The following GPAM variants were observed in gnomAD, a reference collection of about 807,000 sequenced individuals.
GPAM encodes glycerol-3-phosphate acyltransferase 1, mitochondrial.
A neutral mutation model predicts 105.0 loss-of-function variants in GPAM; 56 were observed. That is an observed-to-expected ratio of 0.53 (90% confidence interval 0.43 to 0.67). The LOEUF is 0.67. GPAM is among the 30% of genes least tolerant of loss of function. The pLI, the probability that GPAM is intolerant of heterozygous loss-of-function variation, is 0.00. For synonymous variants in GPAM, 368 were observed against 354.4 expected (o/e 1.04, Z -0.43); for missense variants, 855 against 989.8 (o/e 0.86, Z 1.83).
At chr10:112,164,805 C>T (rs952835729) in intron 12 of GPAM, among the ~76,000 whole-genome samples, 195 bp from the exon 13 acceptor site, 1 of 152,180 alleles carries the variant, frequency 6.6e-6, no homozygotes, top group Admixed American at 6.5e-5. Context: ...AAGCATGAAA[C>T]TGAACTTGAA....
rs1846931685 is a variant in GPAM, at chr10:112,152,196, CATA to C, written c.*1351_*1353del. 3.1e-6 allele frequency: 3 copies of C among 976,904 alleles called. No individual in the cohort carries two copies. Among genetic ancestry groups the C allele is most frequent in the Non-Finnish European group, 3.6e-6 (3 of 822,346 alleles). 60.5% of individuals were successfully genotyped at this position (976,904 alleles called of 1,614,324 possible). ...ACTCATCTGGAAAAATTCTTAATTC[CATA>C]ATATCTTGGAGATAAGCAACAGTAA... On this transcript the variant is annotated 3_prime_UTR_variant, in exon 22 of 22. Transcript: ENST00000348367.
intron 4 of GPAM, among the ~76,000 whole-genome samples, chr10:112,179,893 C>T (rs1251162021): frequency 1.3e-5 from 2 of 152,188 alleles, no homozygotes; most frequent in Admixed American, 1.3e-4. Context: ...ACCTCTCACC[C>T]ACTTGGCTCT....
At chr10:112,173,093 C>A (rs1375566801) in intron 7 of GPAM, 27 bp from the exon 8 acceptor site, 1 of 1,279,034 alleles carries the variant, frequency 7.8e-7, no homozygotes, top group African/African-American at 1.5e-5. Flanking sequence ...ACAAAAAAAA[C>A]AACATAAATG....
In GPAM at chr10:112,206,835, A is replaced by ATTT. The variant is rs1564691231; in HGVS notation, n.210+8332_210+8333insAAA. On this transcript the variant is annotated intron_variant and non_coding_transcript_variant, in intron 1 of 3. Transcript: ENST00000480130. ...AAAGTATAATAAAAAAAAAAATTTA[A>ATTT]AAAAAAAAAAAAAGAATCAAAACAG... Among the ~76,000 whole-genome samples, 26 of 147,108 alleles carry ATTT rather than the reference A, an allele frequency of 1.8e-4. 1 individual carries two copies. Among genetic ancestry groups the ATTT allele is most frequent in the African/African-American group, 6.2e-4 (25 of 40,234 alleles).
At chr10:112,204,433 A>T (rs2133299008) in intron 1 of GPAM, among the ~76,000 whole-genome samples, 1 of 151,662 alleles carries the variant, frequency 6.6e-6, no homozygotes, top group Admixed American at 6.6e-5. Context: ...GGGGAAGAAG[A>T]GTAGGTTGTA....
intron 12 of GPAM, among the ~76,000 whole-genome samples, chr10:112,165,800 T>C (rs1209626906): frequency 6.6e-6 from 1 of 152,208 alleles, no homozygotes; most frequent in African/African-American, 2.4e-5. Flanking sequence ...CATGCAAGAT[T>C]CCCATGAATT....
chr10:112,184,932 G>A (rs1241143003), upstream of GPAM, among the ~76,000 whole-genome samples: 1 of 152,216 alleles, frequency 6.6e-6, no homozygotes, highest in Non-Finnish European at 1.5e-5. Context: ...AATCATGTAT[G>A]AAGAAAAGAG....
At chr10:112,194,009 C>G (rs1020045050) in intron 1 of GPAM, among the ~76,000 whole-genome samples, 1 of 152,152 alleles carries the variant, frequency 6.6e-6, no homozygotes, top group Non-Finnish European at 1.5e-5. Context: ...GATTATAATA[C>G]AGTAACAAAC....
chr10:112,190,001 A>G (rs1246441677), intron 1 of GPAM, among the ~76,000 whole-genome samples: 1 of 152,228 alleles, frequency 6.6e-6, no homozygotes, highest in Non-Finnish European at 1.5e-5. Context: ...AAACTTTTTT[A>G]CTGCCTACCT....
At chr10:112,164,865 A>C (rs761709966) in intron 12 of GPAM, among the ~76,000 whole-genome samples, 1 of 152,246 alleles carries the variant, frequency 6.6e-6, no homozygotes, top group Non-Finnish European at 1.5e-5. Flanking sequence ...TTTTAAAATT[A>C]AAAGAAATTT....
At chr10:112,210,633 A>T (rs1338807930) in intron 1 of GPAM, among the ~76,000 whole-genome samples, 1 of 152,226 alleles carries the variant, frequency 6.6e-6, no homozygotes, top group Non-Finnish European at 1.5e-5. Context: ...CACCCAGGAA[A>T]GGTGGGAGAG....
intron 15 of GPAM, 61 bp from the exon 16 acceptor site, chr10:112,160,929 G>A: frequency 2.1e-6 from 3 of 1,449,808 alleles, no homozygotes; most frequent in Non-Finnish European, 2.9e-6. Context: ...AAAGCTGAGA[G>A]GCCAACATTC....
In GPAM at chr10:112,160,695, A is replaced by G; in HGVS notation, c.1668T>C (p.Phe556=). 6.2e-7 allele frequency: 1 copy of G among 1,613,894 alleles called. No individual in the cohort carries two copies. The change falls in exon 16 of 22, where the codon TTT becomes TTC. Residue 556 remains phenylalanine (F), a synonymous_variant. Coordinates refer to ENST00000348367, the MANE Select transcript of GPAM (RefSeq NM_001244949.2). ...ATGGGACAGTTGTGCTGGGGGTGAT[A>G]AAAAACTCATCGTTCCTGCTAGTGT... is the stretch of plus-strand genomic sequence containing the variant. ...ITHTSRNDEF[F]ITPSTTVPSV...
intron 20 of GPAM, 71 bp downstream of exon 20, chr10:112,155,793 A>T: frequency 2.1e-6 from 2 of 969,338 alleles, no homozygotes; most frequent in Non-Finnish European, 3.2e-6. Flanking sequence ...CCAATTTTCT[A>T]CAATTAGCAA....
At chr10:112,154,755 C>A (rs1846984952) in intron 20 of GPAM, 68 bp from the exon 21 acceptor site, 3 of 1,250,666 alleles carry the variant, frequency 2.4e-6, no homozygotes, top group Non-Finnish European at 3.5e-6. Context: ...CCAGCAGCCA[C>A]AGTAAGAAAG....
At chr10:112,158,014 A>G (rs1847047909) in intron 18 of GPAM, among the ~76,000 whole-genome samples, 2 of 152,230 alleles carry the variant, frequency 1.3e-5, no homozygotes. Context: ...ATCTTGGCTC[A>G]CTGAAACCTC....
chr10:112,224,997 T>G, the GPAM span, among the ~76,000 whole-genome samples: 16 of 152,204 alleles, frequency 1.1e-4, no homozygotes, highest in Middle Eastern at 6.8e-3. Flanking sequence ...AGCAGAACAC[T>G]CAACATTCTA....
the GPAM span, among the ~76,000 whole-genome samples, chr10:112,222,198 C>T: frequency 6.6e-6 from 1 of 152,028 alleles, no homozygotes; most frequent in African/African-American, 2.4e-5. Flanking sequence ...TAAATTTTTT[C>T]TATTTTTTAT....
intron 1 of GPAM, among the ~76,000 whole-genome samples, chr10:112,194,239 C>T (rs1354365138): frequency 2.6e-5 from 4 of 152,156 alleles, no homozygotes; most frequent in East Asian, 1.9e-4. Flanking sequence ...GTAATCCTAC[C>T]ATGTGTCCCG....
Sources: gnomAD v4.1 joint callset for allele counts (sites outside exome capture counted in the v4.1 genomes callset) on GRCh38, gnomAD v4.1.1 for gene constraint, MANE v1.5 for transcripts, NCBI Gene and HGNC (gene_info 2026-07-23, HGNC 2026-07-21) for gene names.